The following CLIC2 variants were observed in gnomAD, a reference collection of about 807,000 sequenced individuals.
The protein encoded by CLIC2 is chloride intracellular channel protein 2.
Under a neutral mutation model 14.8 loss-of-function variants are expected in CLIC2, and 9 were observed. The observed-to-expected ratio is 0.61, with a 90% confidence interval of 0.37 to 1.06. The LOEUF (loss-of-function observed/expected upper bound fraction) is 1.06, where lower values mean the gene tolerates loss of function less well. CLIC2 is among the 50% of genes least tolerant of loss of function. CLIC2 has a pLI of 0.01. For synonymous variants in CLIC2, 61 were observed against 66.3 expected (o/e 0.92, Z 0.39); for missense variants, 148 against 181.4 (o/e 0.82, Z 1.06).
intron 3 of CLIC2, chrX:155,292,359 T>C (rs782277588): frequency 1.4e-4 from 77 of 560,520 alleles, no homozygotes; most frequent in Non-Finnish European, 2.4e-4. Context: ...GATAAAGGAA[T>C]ATCCAGCCAA....
At chrX:155,321,029 A>C (rs782244214) in intron 1 of CLIC2, among the ~76,000 whole-genome samples, 1 of 111,858 alleles carries the variant, frequency 8.9e-6, no homozygotes, top group African/African-American at 3.2e-5. Flanking sequence ...GAATGAAAAG[A>C]AACAAACAAA....
intron 1 of CLIC2, among the ~76,000 whole-genome samples, chrX:155,300,236 C>G (rs1557318882): frequency 9.1e-6 from 1 of 110,275 alleles, no homozygotes; most frequent in Non-Finnish European, 1.9e-5. Context: ...TCTCCAGCAC[C>G]TGTTGTTTCC....
intron 3 of CLIC2, among the ~76,000 whole-genome samples, chrX:155,296,453 A>C (rs1218457860): frequency 2.7e-5 from 3 of 112,033 alleles, no homozygotes; most frequent in African/African-American, 9.7e-5. Context: ...TGTTCTAGAC[A>C]AATAATTTAT....
At chrX:155,314,723 T>A (rs1232058138) in intron 1 of CLIC2, among the ~76,000 whole-genome samples, 6 of 111,365 alleles carry the variant, frequency 5.4e-5, no homozygotes, top group Admixed American at 4.8e-4. Context: ...CAAACCAAGA[T>A]AAAATACCTG....
intron 3 of CLIC2, among the ~76,000 whole-genome samples, chrX:155,284,690 G>C (rs1048549452): frequency 8.9e-6 from 1 of 111,996 alleles, no homozygotes; most frequent in Non-Finnish European, 1.9e-5. Context: ...CAGCCCTGGG[G>C]AAGCTCTAGT....
intron 3 of CLIC2, among the ~76,000 whole-genome samples, chrX:155,291,953 G>A (rs2074967494): frequency 8.9e-6 from 1 of 112,111 alleles, no homozygotes; most frequent in South Asian, 3.7e-4. Context: ...GCGGCCATGC[G>A]ACAGCGACCC....
chrX:155,280,895 G>A (rs988068088), intron 3 of CLIC2, among the ~76,000 whole-genome samples: 2 of 107,613 alleles, frequency 1.9e-5, no homozygotes, highest in South Asian at 4.1e-4. Flanking sequence ...GGAGATATCT[G>A]TGCTGCCATG....
intron 1 of CLIC2, among the ~76,000 whole-genome samples, chrX:155,320,121 G>C (rs2075109036): frequency 8.9e-6 from 1 of 112,492 alleles, no homozygotes; most frequent in Non-Finnish European, 1.9e-5. Context: ...AGGGGTGGCT[G>C]TGGGTGCAGC....
At chrX:155,293,562 A>G (rs1036725583) in intron 3 of CLIC2, 16 of 439,055 alleles carry the variant, frequency 3.6e-5, no homozygotes, top group Non-Finnish European at 5.5e-5. Flanking sequence ...AATGACAGAA[A>G]TAAGTCTTCA....
chrX:155,317,932 T>C (rs782613253), intron 1 of CLIC2, among the ~76,000 whole-genome samples: 15 of 111,738 alleles, frequency 1.3e-4, no homozygotes, highest in Admixed American at 4.8e-4. Flanking sequence ...ATACACCACA[T>C]AGAAATAATT....
intron 3 of CLIC2, among the ~76,000 whole-genome samples, chrX:155,286,805 A>G (rs1287757503): frequency 8.9e-6 from 1 of 112,089 alleles, no homozygotes; most frequent in Admixed American, 9.5e-5. Context: ...TCCTTTGCCC[A>G]CATTTGAATG....
intron 3 of CLIC2, among the ~76,000 whole-genome samples, chrX:155,296,030 T>C (rs1438571627): frequency 1.8e-5 from 2 of 111,827 alleles, no homozygotes; most frequent in African/African-American, 6.5e-5. Context: ...AAAATTCACA[T>C]GTAACCAAAA....
At chrX:155,305,925 A>T (rs2075053950) in intron 1 of CLIC2, among the ~76,000 whole-genome samples, 1 of 111,872 alleles carries the variant, frequency 8.9e-6, no homozygotes, top group Non-Finnish European at 1.9e-5. Flanking sequence ...TTATATTTTG[A>T]TTTACCATAA....
intron 5 of CLIC2, 51 bp downstream of exon 5, chrX:155,279,098 G>T: frequency 1.9e-6 from 2 of 1,059,346 alleles, no homozygotes; most frequent in Non-Finnish European, 2.6e-6. Context: ...GCTTTGTGCT[G>T]GCAACTGGCA....
At chrX:155,305,799 T>A (rs2075053461) in intron 1 of CLIC2, among the ~76,000 whole-genome samples, 2 of 112,682 alleles carry the variant, frequency 1.8e-5, no homozygotes, top group East Asian at 5.5e-4. Flanking sequence ...AAAACATGGA[T>A]TATGTAAAAT....
At chrX:155,289,797 A>T (rs782211454) in intron 3 of CLIC2, among the ~76,000 whole-genome samples, 11 of 111,498 alleles carry the variant, frequency 9.9e-5, no homozygotes, top group South Asian at 3.8e-4. Flanking sequence ...AATGCTGTTT[A>T]AAAAAAAGTC....
chrX:155,333,853 C>T (rs1269731845), intron 1 of CLIC2, among the ~76,000 whole-genome samples: 1 of 110,054 alleles, frequency 9.1e-6, no homozygotes, highest in Non-Finnish European at 1.9e-5. Context: ...TCCATGTGAC[C>T]CTGCTGTGAT....
chrX:155,328,351 A>G (rs1335235142), intron 1 of CLIC2, among the ~76,000 whole-genome samples: 1 of 111,408 alleles, frequency 9.0e-6, no homozygotes, highest in African/African-American at 3.3e-5. Context: ...TGACATTTCT[A>G]TATGCCAACA....
chrX:155,279,330 T>G lies in CLIC2; in HGVS notation c.401A>C (p.Asn134Thr). 1 of 1,188,360 alleles carries G rather than the reference T, an allele frequency of 8.4e-7. No individual in the cohort carries two copies. ...IKNTQKEANK[N>T]FEKSLLKEFK... ...TTCTTTGAGCAGAGATTTTTCAAAA[T>G]CTGAGGCAATGAAGTAATAGAGTTA... is the stretch of plus-strand genomic sequence containing the variant. Residue 134 changes from asparagine (N) to threonine (T), a missense_variant and splice_region_variant, in exon 5 of 6, where the codon AAT becomes ACT. By Grantham distance (65) the Asn-to-Thr change is moderately conservative. Transcript: ENST00000369449.
Sources: gnomAD v4.1 joint callset for allele counts (sites outside exome capture counted in the v4.1 genomes callset) on GRCh38, gnomAD v4.1.1 for gene constraint, MANE v1.5 for transcripts, NCBI Gene and HGNC (gene_info 2026-07-23, HGNC 2026-07-21) for gene names.